TBX15: variants seen among roughly 807,000 people sequenced by gnomAD.
TBX15 encodes T-box transcription factor 15.
Under a neutral mutation model 53.9 loss-of-function variants are expected in TBX15, and 18 were observed. That is an observed-to-expected ratio of 0.33 (90% CI 0.23 to 0.49). The LOEUF (loss-of-function observed/expected upper bound fraction) is 0.49. TBX15 is among the 20% of genes least tolerant of loss of function. The pLI is 0.98. For synonymous variants in TBX15, 295 were observed against 278.0 expected (o/e 1.06, Z -0.61); for missense variants, 692 against 749.5 (o/e 0.92, Z 0.90).
chr1:118,949,980 C>T (rs929388590), intron 1 of TBX15, among the ~76,000 whole-genome samples: 5 of 152,218 alleles, frequency 3.3e-5, no homozygotes, highest in Non-Finnish European at 5.9e-5. Context: ...CAAGACAGTA[C>T]TTATTTCCCT....
intron 7 of TBX15, among the ~76,000 whole-genome samples, chr1:118,885,807 A>T (rs935088931): frequency 6.6e-6 from 1 of 152,238 alleles, no homozygotes; most frequent in African/African-American, 2.4e-5. Context: ...AGTCCTTTGT[A>T]TAAAAATAAC....
intron 5 of TBX15, among the ~76,000 whole-genome samples, chr1:118,921,932 C>A (rs573219161): frequency 6.6e-6 from 1 of 152,248 alleles, no homozygotes; most frequent in East Asian, 1.9e-4. Context: ...CAAAAGAGAA[C>A]AATTTATGCT....
chr1:118,922,355 A>G (rs1483819817), intron 5 of TBX15, among the ~76,000 whole-genome samples: 2 of 152,218 alleles, frequency 1.3e-5, no homozygotes, highest in African/African-American at 2.4e-5. Flanking sequence ...TAAGCAATCT[A>G]TTCTTTAAAA....
intron 1 of TBX15, among the ~76,000 whole-genome samples, chr1:118,941,000 A>T (rs1656160323): frequency 6.6e-6 from 1 of 152,108 alleles, no homozygotes; most frequent in Non-Finnish European, 1.5e-5. Context: ...GGTCTTCAAG[A>T]TTTACCAATT....
intron 1 of TBX15, among the ~76,000 whole-genome samples, chr1:118,955,928 C>A (rs1417070352): frequency 6.6e-6 from 1 of 152,184 alleles, no homozygotes; most frequent in Non-Finnish European, 1.5e-5. Flanking sequence ...AAAGACCTCT[C>A]ATCCTAACGG....
At chr1:118,930,408 A>G (rs556284885) in intron 2 of TBX15, among the ~76,000 whole-genome samples, 15 of 152,140 alleles carry the variant, frequency 9.9e-5, no homozygotes, top group East Asian at 3.9e-4. Context: ...TTATTTATTT[A>G]TTTGTTTGTT....
chr1:118,971,737 T>A (rs1017531324), intron 1 of TBX15, among the ~76,000 whole-genome samples: 1 of 152,200 alleles, frequency 6.6e-6, no homozygotes, highest in African/African-American at 2.4e-5. Context: ...TGCACAAAGA[T>A]GGCCACAGAA....
At chr1:118,933,624 T>C (rs1655874250) in intron 1 of TBX15, among the ~76,000 whole-genome samples, 1 of 152,160 alleles carries the variant, frequency 6.6e-6, no homozygotes, top group Non-Finnish European at 1.5e-5. Flanking sequence ...CAAATCTATA[T>C]CCTAGCCTGA....
intron 6 of TBX15, among the ~76,000 whole-genome samples, chr1:118,900,619 A>G (rs370759795): frequency 2.6e-5 from 4 of 152,294 alleles, no homozygotes; most frequent in South Asian, 2.1e-4. Context: ...AGAGTGTTAC[A>G]TGGTGTTTAT....
intron 1 of TBX15, among the ~76,000 whole-genome samples, chr1:118,954,762 G>A (rs965093080): frequency 6.6e-6 from 1 of 152,176 alleles, no homozygotes; most frequent in Non-Finnish European, 1.5e-5. Flanking sequence ...AACTCAACCC[G>A]ATATTCATTC....
At chr1:118,967,696 G>A (rs921359695) in intron 1 of TBX15, among the ~76,000 whole-genome samples, 1 of 152,156 alleles carries the variant, frequency 6.6e-6, no homozygotes, top group Non-Finnish European at 1.5e-5. Context: ...GTTTCATTCA[G>A]GTCTAAATAT....
chr1:118,975,206 C>T (rs748531797), intron 1 of TBX15, among the ~76,000 whole-genome samples: 11 of 152,098 alleles, frequency 7.2e-5, no homozygotes, highest in African/African-American at 1.7e-4. Flanking sequence ...GTCAAAGAAA[C>T]GCAGGTCATG....
At chr1:118,924,899 G>A (rs1470382992) in intron 3 of TBX15, 82 bp from the exon 4 acceptor site, 16 of 1,466,994 alleles carry the variant, frequency 1.1e-5, no homozygotes, top group East Asian at 2.3e-5. Flanking sequence ...TGAGACAGGG[G>A]AAAGGAGAGA....
In TBX15 at chr1:118,884,693, C is replaced by T. The variant is rs532340026; in HGVS notation, c.*39G>A. 16 of 1,612,178 alleles carry T rather than the reference C, an allele frequency of 9.9e-6. No individual in the cohort carries two copies. The African/African-American group carries it at 1.1e-4, about 11-fold the overall frequency. On this transcript the variant is annotated 3_prime_UTR_variant, in exon 8 of 8. Transcript: ENST00000369429. ...GGATCTGACCACGGAGACTCTGGGG[C>T]CTTGATTGCCAAATGCTCCGTGGTG...
chr1:118,966,048 A>T (rs1390891241), intron 1 of TBX15, among the ~76,000 whole-genome samples: 3 of 152,152 alleles, frequency 2.0e-5, no homozygotes, highest in Admixed American at 6.5e-5. Context: ...TGGATTTTTT[A>T]AAAGTATACA....
At chr1:118,944,855 T>C (rs554276094) in intron 1 of TBX15, among the ~76,000 whole-genome samples, 2 of 152,304 alleles carry the variant, frequency 1.3e-5, no homozygotes, top group African/African-American at 4.8e-5. Flanking sequence ...CATCTCACAG[T>C]GACAGGAGAT....
chr1:118,938,378 T>C (rs1039739583), intron 1 of TBX15, among the ~76,000 whole-genome samples: 3 of 152,118 alleles, frequency 2.0e-5, no homozygotes, highest in Non-Finnish European at 4.4e-5. Flanking sequence ...CACTCTCCAC[T>C]TAACAAGCAG....
intron 7 of TBX15, among the ~76,000 whole-genome samples, chr1:118,892,876 G>T (rs1654195534): frequency 6.6e-6 from 1 of 152,092 alleles, no homozygotes; most frequent in Non-Finnish European, 1.5e-5. Context: ...TATACGCACT[G>T]ACATATGGAT....
intron 1 of TBX15, among the ~76,000 whole-genome samples, chr1:118,964,736 A>G (rs976582923): frequency 1.2e-4 from 18 of 152,374 alleles, no homozygotes; most frequent in African/African-American, 4.1e-4. Context: ...AGGCATATGC[A>G]CTGGGTCAAA....
Sources: gnomAD v4.1 joint callset for allele counts (sites outside exome capture counted in the v4.1 genomes callset) on GRCh38, gnomAD v4.1.1 for gene constraint, MANE v1.5 for transcripts, NCBI Gene and HGNC (gene_info 2026-07-23, HGNC 2026-07-21) for gene names.